The following PRKACB variants were observed in gnomAD, a reference collection of about 807,000 sequenced individuals.
PRKACB encodes protein kinase cAMP-activated catalytic subunit beta.
A neutral mutation model predicts 51.4 loss-of-function variants in PRKACB; 16 were observed. The observed-to-expected ratio is 0.31, with a 90% CI of 0.21 to 0.47. PRKACB has a LOEUF of 0.47. PRKACB is among the 20% of genes least tolerant of loss of function. PRKACB has a pLI of 1.00. For synonymous variants in PRKACB, 147 were observed against 154.4 expected (o/e 0.95, Z 0.35); for missense variants, 309 against 464.5 (o/e 0.67, Z 3.08).
intron 2 of PRKACB, chr1:84,181,660 A>G: frequency 1.3e-6 from 2 of 1,498,856 alleles, no homozygotes; most frequent in Admixed American, 2.1e-5. Context: ...AGGCTCTCTC[A>G]TGCTGCTACT....
intron 1 of PRKACB, among the ~76,000 whole-genome samples, chr1:84,089,070 T>C (rs893268605): frequency 2.0e-5 from 3 of 152,148 alleles, no homozygotes; most frequent in Non-Finnish European, 1.5e-5. Flanking sequence ...TCAACTCTTA[T>C]ACCCACTACA....
chr1:84,162,463 G>A (rs1656323154), intron 1 of PRKACB, among the ~76,000 whole-genome samples: 2 of 151,724 alleles, frequency 1.3e-5, no homozygotes, highest in South Asian at 4.2e-4. Context: ...CTCAGGCTCT[G>A]TCCACTTTTC....
At chr1:84,226,408 C>T (rs1021781685) in intron 9 of PRKACB, among the ~76,000 whole-genome samples, 2 of 151,840 alleles carry the variant, frequency 1.3e-5, no homozygotes, top group South Asian at 2.1e-4. Flanking sequence ...AAATATCTTT[C>T]GTCATTCAGT....
chr1:84,112,241 T>G (rs1376832609), intron 1 of PRKACB, among the ~76,000 whole-genome samples: 1 of 149,364 alleles, frequency 6.7e-6, no homozygotes, highest in Non-Finnish European at 1.5e-5. Flanking sequence ...TTTTTTTTTT[T>G]TTTTTGTTTG....
intron 8 of PRKACB, chr1:84,204,400 A>G (rs1572421564): frequency 3.8e-6 from 4 of 1,058,550 alleles, no homozygotes; most frequent in Non-Finnish European, 4.4e-6. Flanking sequence ...TTAAACAAGT[A>G]TCAGTATCAC....
At chr1:84,171,261 A>G (rs74624271) in intron 1 of PRKACB, among the ~76,000 whole-genome samples, 2,380 of 151,748 alleles carry the variant, frequency 0.016, 63 homozygotes, top group African/African-American at 0.054. Flanking sequence ...TTAAAAAGCC[A>G]CATGGTTAAT....
At chr1:84,175,265 A>G (rs930877309) in intron 1 of PRKACB, among the ~76,000 whole-genome samples, 1 of 151,722 alleles carries the variant, frequency 6.6e-6, no homozygotes, top group African/African-American at 2.4e-5. Context: ...GTGGTATTTT[A>G]GAAAGAATAA....
chr1:84,078,199 C>A, exon 1 of PRKACB: 2 of 1,088,484 alleles, frequency 1.8e-6, no homozygotes, highest in Non-Finnish European at 1.3e-6. Context: ...GGACTCCTGG[C>A]GCCAGCGCTA....
chr1:84,215,245 T>G (rs1156274057), intron 9 of PRKACB, among the ~76,000 whole-genome samples: 1 of 152,220 alleles, frequency 6.6e-6, no homozygotes, highest in Non-Finnish European at 1.5e-5. Flanking sequence ...ACGTAAGATT[T>G]TTTCCAAATA....
intron 9 of PRKACB, among the ~76,000 whole-genome samples, chr1:84,216,803 A>G (rs1374101139): frequency 6.6e-6 from 1 of 152,152 alleles, no homozygotes; most frequent in East Asian, 1.9e-4. Context: ...CCTATATTTG[A>G]TCCCAGGTTC....
upstream of PRKACB, among the ~76,000 whole-genome samples, chr1:84,141,704 A>G (rs1653435742): frequency 6.6e-6 from 1 of 152,142 alleles, no homozygotes. Flanking sequence ...TACTTGAGCA[A>G]CATTGAATAT....
At chr1:84,133,435 C>G (rs1342423918) in intron 1 of PRKACB, among the ~76,000 whole-genome samples, 1 of 152,034 alleles carries the variant, frequency 6.6e-6, no homozygotes. Flanking sequence ...AAATAAGGAT[C>G]TTTTATTTTT....
intron 9 of PRKACB, among the ~76,000 whole-genome samples, chr1:84,232,413 G>T (rs1450073767): frequency 6.6e-6 from 1 of 152,212 alleles, no homozygotes; most frequent in African/African-American, 2.4e-5. Context: ...TTGGGGTAGA[G>T]AGTTCTGTAG....
upstream of PRKACB, among the ~76,000 whole-genome samples, chr1:84,143,345 G>A (rs905435589): frequency 3.9e-5 from 6 of 152,060 alleles, no homozygotes; most frequent in Non-Finnish European, 7.4e-5. Flanking sequence ...CCAGCTACTC[G>A]GATGTCTGAG....
intron 1 of PRKACB, among the ~76,000 whole-genome samples, chr1:84,158,586 T>C (rs371741401): frequency 6.4e-4 from 96 of 149,482 alleles, no homozygotes; most frequent in African/African-American, 2.2e-3. Flanking sequence ...TTTCCAAAAA[T>C]ATAAATATCA....
chr1:84,174,202 T>C (rs2100862252), intron 1 of PRKACB, among the ~76,000 whole-genome samples: 1 of 151,964 alleles, frequency 6.6e-6, no homozygotes, highest in East Asian at 1.9e-4. Context: ...GCTGCAGTTA[T>C]TACAAGTCAG....
intron 1 of PRKACB, among the ~76,000 whole-genome samples, chr1:84,173,968 C>T (rs950673293): frequency 6.6e-6 from 1 of 151,708 alleles, no homozygotes; most frequent in African/African-American, 2.4e-5. Context: ...ACGTCTAATC[C>T]TCATCATCCC....
chr1:84,149,337 G>C (rs1437484998), intron 1 of PRKACB, among the ~76,000 whole-genome samples: 3 of 151,840 alleles, frequency 2.0e-5, no homozygotes, highest in Non-Finnish European at 4.4e-5. Context: ...TCGACTCGCT[G>C]CAGCCTCTGC....
chr1:84,082,706 C>A (rs1490121283), intron 1 of PRKACB, among the ~76,000 whole-genome samples: 2 of 152,092 alleles, frequency 1.3e-5, no homozygotes, highest in Admixed American at 6.5e-5. Context: ...TAGCTACTAG[C>A]CACATGTCTG....
Sources: allele counts gnomAD v4.1 joint callset (sites outside exome capture counted in the v4.1 genomes callset), GRCh38; gene constraint gnomAD v4.1.1; transcripts MANE v1.5; gene names NCBI Gene and HGNC (gene_info 2026-07-23, HGNC 2026-07-21).